Variants in SLC28A1 observed in about 807,000 individuals in gnomAD.
SLC28A1 encodes solute carrier family 28 member 1, also known as sodium/nucleoside cotransporter 1.
Under a neutral mutation model 74.8 loss-of-function variants are expected in SLC28A1, and 64 were observed. That is an observed-to-expected ratio of 0.86 (90% CI 0.70 to 1.05). The LOEUF (loss-of-function observed/expected upper bound fraction) is 1.05, where lower values mean the gene tolerates loss of function less well. SLC28A1 is among the 50% of genes least tolerant of loss of function. The pLI is 0.00. For synonymous variants in SLC28A1, 359 were observed against 335.0 expected (o/e 1.07, Z -0.78); for missense variants, 828 against 822.8 (o/e 1.01, Z -0.08).
chr15:84,889,932 C>A (rs1965168151), intron 4 of SLC28A1, among the ~76,000 whole-genome samples: 1 of 150,932 alleles, frequency 6.6e-6, no homozygotes, highest in Non-Finnish European at 1.5e-5. Flanking sequence ...CCTTCCTGGG[C>A]TCAAGAGATT....
chr15:84,913,877 C>T (rs565887943), intron 9 of SLC28A1, among the ~76,000 whole-genome samples: 1 of 152,344 alleles, frequency 6.6e-6, no homozygotes, highest in Non-Finnish European at 1.5e-5. Context: ...CCACTTTGCT[C>T]TCTGCCTACT....
At chr15:84,972,089 G>C in the SLC28A1 span, among the ~76,000 whole-genome samples, 1 of 152,220 alleles carries the variant, frequency 6.6e-6, no homozygotes, top group African/African-American at 2.4e-5. Context: ...TAGAGGGGCT[G>C]CCCCCACCCT....
In SLC28A1 at chr15:84,928,527, GTTCTTTCTTTCTTTCTTTCTTTCT is replaced by G. The variant is rs1200042713; in HGVS notation, c.1083+4472_1083+4495del. Among the ~76,000 whole-genome samples the G allele has an allele frequency of 1.2e-3, 56 of 47,236 alleles. 14 individuals are homozygous for G. The highest frequency in any genetic ancestry group is 3.4e-3 in the East Asian group (4 of 1,166). The allele number at this position is 47,236 out of a possible 152,430, so 31.0% of individuals were successfully genotyped here. On this transcript the variant is annotated intron_variant, in intron 12 of 18. Transcript: ENST00000394573. ...TTCCTTCAAGCTCCCAGGTTCGTTC[GTTCTTTCTTTCTTTCTTTCTTTCT>G]TTCTTTCTTTCTTTCTTTCTTTCTT...
intron 9 of SLC28A1, among the ~76,000 whole-genome samples, chr15:84,916,098 G>T (rs573245532): frequency 6.6e-6 from 1 of 151,262 alleles, no homozygotes; most frequent in South Asian, 2.1e-4. Context: ...GAGTAGCTGG[G>T]ATTACAGGCA....
chr15:84,919,743 T>A (rs2141903721), intron 10 of SLC28A1, among the ~76,000 whole-genome samples: 1 of 152,282 alleles, frequency 6.6e-6, no homozygotes, highest in South Asian at 2.1e-4. Flanking sequence ...AATCACCTCC[T>A]CAAGGTCATG....
intron 11 of SLC28A1, among the ~76,000 whole-genome samples, chr15:84,921,586 C>T (rs544439809): frequency 6.6e-6 from 1 of 152,284 alleles, no homozygotes; most frequent in South Asian, 2.1e-4. Context: ...TGAGGATGGC[C>T]CTCTGGAGAC....
At chr15:84,893,969 A>G (rs1186764242) in intron 5 of SLC28A1, among the ~76,000 whole-genome samples, 1 of 152,216 alleles carries the variant, frequency 6.6e-6, no homozygotes, top group Non-Finnish European at 1.5e-5. Context: ...TGCCTGTACC[A>G]GAGGGGTTGG....
At chr15:84,903,956 T>C in intron 6 of SLC28A1, 141 bp from the exon 7 acceptor site, 1 of 1,088,078 alleles carries the variant, frequency 9.2e-7, no homozygotes, top group Non-Finnish European at 1.4e-6. Context: ...GTTCCAGAGC[T>C]GGTGCTCTTT....
intron 12 of SLC28A1, among the ~76,000 whole-genome samples, chr15:84,926,313 C>G (rs575376550): frequency 6.6e-6 from 1 of 151,676 alleles, no homozygotes; most frequent in African/African-American, 2.4e-5. Flanking sequence ...ATTCTCCCAC[C>G]TCAGCCTCCT....
At chr15:84,943,730 G>A (rs950230124) in intron 16 of SLC28A1, among the ~76,000 whole-genome samples, 2 of 151,926 alleles carry the variant, frequency 1.3e-5, no homozygotes, top group African/African-American at 2.4e-5. Context: ...GGAGTTTGAG[G>A]CCAACCTGGC....
intron 13 of SLC28A1, among the ~76,000 whole-genome samples, chr15:84,934,644 T>G (rs1290398765): frequency 6.6e-6 from 1 of 152,194 alleles, no homozygotes; most frequent in Non-Finnish European, 1.5e-5. Context: ...ATGGGTGATT[T>G]TAATAACCGA....
At chr15:84,969,159 G>C in the SLC28A1 span, among the ~76,000 whole-genome samples, 1 of 152,190 alleles carries the variant, frequency 6.6e-6, no homozygotes, top group East Asian at 1.9e-4. Context: ...CTCTGCGGAA[G>C]GACAGAATCC....
intron 9 of SLC28A1, among the ~76,000 whole-genome samples, chr15:84,912,847 C>CACACACACACACACACATAA (rs60379618): frequency 7.6e-6 from 1 of 130,974 alleles, no homozygotes; most frequent in African/African-American, 2.6e-5. Context: ...CACACACACA[C>CACACACACACACACACATAA]AGATCAAATA....
chr15:84,975,569 T>C, the SLC28A1 span: 1 of 456,228 alleles, frequency 2.2e-6, no homozygotes, highest in Non-Finnish European at 4.4e-6. Context: ...CATTGTTAAG[T>C]ATCTTGGAGG....
At chr15:84,974,869 C>A in the SLC28A1 span, among the ~76,000 whole-genome samples, 1 of 152,130 alleles carries the variant, frequency 6.6e-6, no homozygotes, top group Non-Finnish European at 1.5e-5. Context: ...CCCACTGAGG[C>A]CTGAAACCCA....
chr15:84,935,077 G>A lies in SLC28A1; in HGVS notation c.1266G>A (p.Val422=). Residue 422 remains valine, a synonymous_variant, in exon 14 of 19, where the codon GTG becomes GTA. Transcript: ENST00000394573. ...CCAGCACTGGGGCCGCCATCTCCGT[G>A]AAGGTGGTCGCCAACATCGCTGCCA... ...EAASTGAAIS[V]KVVANIAANL... The A allele has an allele frequency of 6.2e-7, 1 of 1,614,112 alleles. No homozygotes were observed. Among genetic ancestry groups the A allele is most frequent in the Non-Finnish European group, 8.5e-7 (1 of 1,179,924 alleles).
At chr15:84,928,583 T>TTCCTTCC (rs2074931163) in intron 12 of SLC28A1, among the ~76,000 whole-genome samples, 1 of 25,650 alleles carries the variant, frequency 3.9e-5, no homozygotes, top group Non-Finnish European at 6.2e-5. Flanking sequence ...TCTTTCTTTC[T>TTCCTTCC]TTCTTTCTTT....
the SLC28A1 span, among the ~76,000 whole-genome samples, chr15:84,971,348 A>G: frequency 0.076 from 11,595 of 152,216 alleles, 620 homozygotes; most frequent in Non-Finnish European, 0.11. Flanking sequence ...ACTGAAAAGG[A>G]GGTGTTTTAG....
At chr15:84,918,678 C>A in intron 10 of SLC28A1, 74 bp downstream of exon 10, 1 of 1,173,910 alleles carries the variant, frequency 8.5e-7, no homozygotes, top group Non-Finnish European at 1.3e-6. Context: ...TCCCAGAATG[C>A]CTTGCTCCCA....
Sources: allele counts gnomAD v4.1 joint callset (sites outside exome capture counted in the v4.1 genomes callset), GRCh38; gene constraint gnomAD v4.1.1; transcripts MANE v1.5; gene names NCBI Gene and HGNC (gene_info 2026-07-23, HGNC 2026-07-21).